MEGF11: variants seen among roughly 807,000 people sequenced by gnomAD.
The protein encoded by MEGF11 is multiple EGF like domains 11.
In MEGF11, 126 loss-of-function variants were observed where a neutral mutation model predicts 146.6. The ratio of observed to expected loss-of-function variants is 0.86; its 90% confidence interval spans 0.74 to 1.00. MEGF11 has a LOEUF of 1.00. MEGF11 is among the 50% of genes least tolerant of loss of function. MEGF11 has a pLI of 0.00. For synonymous variants in MEGF11, 532 were observed against 583.4 expected, an observed-to-expected ratio of 0.91 and a Z score of 1.27; for missense variants, 1,509 against 1,521.2, an observed-to-expected ratio of 0.99 and a Z score of 0.13.
chr15:66,019,898 G>C (rs2083045584), intron 5 of MEGF11, among the ~76,000 whole-genome samples: 1 of 152,168 alleles, frequency 6.6e-6, no homozygotes. Flanking sequence ...CTGGCTCTGG[G>C]CTTGTAAGCT....
intron 5 of MEGF11, among the ~76,000 whole-genome samples, chr15:66,088,880 G>C (rs1260289178): frequency 6.6e-6 from 1 of 152,244 alleles, no homozygotes; most frequent in Non-Finnish European, 1.5e-5. Context: ...CAGAGTTTCA[G>C]TTGGGGAAGA....
In MEGF11 at chr15:65,906,125, A is replaced by G. The variant is rs750348103; in HGVS notation, c.3015T>C (p.Asp1005=). Reference sequence around the variant, plus strand: ...CCATAATGTATGTGTTCTGACGTCTATCCATTCCACAAGCACCTGTGTAAA... The same window carrying G: ...CCATAATGTATGTGTTCTGACGTCTGTCCATTCCACAAGCACCTGTGTAAA... ...EPHSPGACGM[D]RRQNTYIMDK... The change falls in exon 24 of 26, where the codon GAT becomes GAC. Residue 1005 remains aspartate, a synonymous_variant. Transcript: ENST00000395614. 5.0e-6 allele frequency: 8 copies of G among 1,610,476 alleles called. No homozygotes were observed. In the African/African-American group the frequency reaches 6.7e-5, roughly 13 times the overall value.
At chr15:66,179,084 A>G (rs1257179667) in intron 1 of MEGF11, among the ~76,000 whole-genome samples, 1 of 73,348 alleles carries the variant, frequency 1.4e-5, no homozygotes, top group Non-Finnish European at 2.8e-5. Context: ...TCAATCTGTC[A>G]GCCCGGGAAG....
chr15:66,062,213 C>T (rs1314898539), intron 5 of MEGF11, among the ~76,000 whole-genome samples: 1 of 152,150 alleles, frequency 6.6e-6, no homozygotes, highest in Non-Finnish European at 1.5e-5. Flanking sequence ...CTAGGGTGGC[C>T]CCCATGTTTG....
At chr15:66,236,912 C>T (rs1341430293) in intron 1 of MEGF11, among the ~76,000 whole-genome samples, 1 of 152,192 alleles carries the variant, frequency 6.6e-6, no homozygotes, top group Non-Finnish European at 1.5e-5. Flanking sequence ...CTGTCCCCGC[C>T]ATCTCAATCT....
At chr15:65,958,248 A>G (rs988549854) in intron 9 of MEGF11, among the ~76,000 whole-genome samples, 3 of 152,224 alleles carry the variant, frequency 2.0e-5, no homozygotes, top group Non-Finnish European at 2.9e-5. Context: ...CTCTCTGGCA[A>G]TGTCTGCCCT....
At chr15:66,010,168 A>AT (rs1490030452) in intron 5 of MEGF11, among the ~76,000 whole-genome samples, 2 of 147,718 alleles carry the variant, frequency 1.4e-5, no homozygotes, top group East Asian at 4.0e-4. Flanking sequence ...AGCTAAAAAA[A>AT]AAAAAAAAAA....
intron 5 of MEGF11, among the ~76,000 whole-genome samples, chr15:66,066,683 G>C (rs931454829): frequency 2.0e-5 from 3 of 152,202 alleles, no homozygotes; most frequent in South Asian, 2.1e-4. Flanking sequence ...ACACCCCTAG[G>C]GGGGCTGGGA....
intron 1 of MEGF11, among the ~76,000 whole-genome samples, chr15:66,160,227 C>T (rs1011998046): frequency 2.7e-5 from 4 of 146,758 alleles, no homozygotes; most frequent in African/African-American, 1.0e-4. Context: ...AGGACAAAGC[C>T]TCCCAAGGAA....
intron 1 of MEGF11, among the ~76,000 whole-genome samples, chr15:66,201,428 C>T (rs1462838061): frequency 6.6e-6 from 1 of 152,082 alleles, no homozygotes; most frequent in Non-Finnish European, 1.5e-5. Context: ...GGGTAGGAGA[C>T]ACCAGGGGGA....
chr15:65,897,896 T>G lies in MEGF11; in HGVS notation c.*38A>C. 1 of 1,590,468 alleles carries G rather than the reference T, an allele frequency of 6.3e-7. No individual in the cohort carries two copies. Among genetic ancestry groups the G allele is most frequent in the Non-Finnish European group, 8.6e-7 (1 of 1,167,022 alleles). ...ACTGTCTTCTTTCAGAGTCAGAATA[T>G]TCAGTAGAGCACACTGCAAGAGAGA... is the stretch of plus-strand genomic sequence containing the variant. On this transcript the variant is annotated 3_prime_UTR_variant, in exon 26 of 26. Coordinates refer to ENST00000395614, the MANE Select transcript of MEGF11 (RefSeq NM_001385028.1).
intron 1 of MEGF11, among the ~76,000 whole-genome samples, chr15:66,174,720 C>A (rs542333414): frequency 1.4e-4 from 21 of 152,132 alleles, no homozygotes; most frequent in African/African-American, 5.1e-4. Flanking sequence ...AGAAGCTGCT[C>A]TGAGGAACTG....
At chr15:66,143,392 T>A (rs2089244334) in intron 1 of MEGF11, among the ~76,000 whole-genome samples, 1 of 152,188 alleles carries the variant, frequency 6.6e-6, no homozygotes, top group African/African-American at 2.4e-5. Flanking sequence ...TGGAGCATGC[T>A]GGATTAGGCC....
chr15:65,955,793 T>TAC (rs67353441), intron 10 of MEGF11, among the ~76,000 whole-genome samples: 17 of 6,772 alleles, frequency 2.5e-3, no homozygotes, highest in African/African-American at 4.7e-3. Context: ...TATATATATA[T>TAC]ACACACACAC....
chr15:65,915,851 A>T (rs2078980074), intron 18 of MEGF11, among the ~76,000 whole-genome samples: 1 of 152,058 alleles, frequency 6.6e-6, no homozygotes. Context: ...GCCATGCCCT[A>T]ATCTGAATGC....
At chr15:66,080,017 A>G (rs1171198502) in intron 5 of MEGF11, among the ~76,000 whole-genome samples, 2 of 152,212 alleles carry the variant, frequency 1.3e-5, no homozygotes, top group Admixed American at 6.5e-5. Flanking sequence ...GCTGGCTTCC[A>G]GAGTGTCACC....
intron 5 of MEGF11, among the ~76,000 whole-genome samples, chr15:66,000,673 A>T (rs967352712): frequency 1.3e-5 from 2 of 152,260 alleles, no homozygotes; most frequent in African/African-American, 4.8e-5. Flanking sequence ...TGAATAATTC[A>T]TCAGCAAACT....
intron 5 of MEGF11, among the ~76,000 whole-genome samples, chr15:65,989,746 C>T (rs1007841893): frequency 6.6e-6 from 1 of 152,186 alleles, no homozygotes; most frequent in African/African-American, 2.4e-5. Context: ...CAGCCTCCTT[C>T]CCTCTTTGGG....
chr15:66,172,536 G>A (rs1208251884), intron 1 of MEGF11, among the ~76,000 whole-genome samples: 1 of 152,144 alleles, frequency 6.6e-6, no homozygotes, highest in Non-Finnish European at 1.5e-5. Context: ...ACCACAGGCT[G>A]CCTGTGTCAT....
Sources: allele counts gnomAD v4.1 joint callset (sites outside exome capture counted in the v4.1 genomes callset), GRCh38; gene constraint gnomAD v4.1.1; transcripts MANE v1.5; gene names NCBI Gene and HGNC (gene_info 2026-07-23, HGNC 2026-07-21).